LRRTM3: variants seen among roughly 807,000 people sequenced by gnomAD.
LRRTM3 encodes the protein leucine rich repeat transmembrane neuronal 3.
A neutral mutation model predicts 44.7 loss-of-function variants in LRRTM3; 24 were observed. That is an observed-to-expected ratio of 0.54 (90% CI 0.39 to 0.76). The LOEUF is 0.76. LRRTM3 is among the 30% of genes least tolerant of loss of function. LRRTM3 has a pLI of 0.00. For missense variants in LRRTM3, 587 were observed against 702.2 expected, an observed-to-expected ratio of 0.84 and a Z score of 1.85; for synonymous variants, 277 against 278.7, an observed-to-expected ratio of 0.99 and a Z score of 0.06.
At chr10:67,069,993 G>A (rs1309820569) in intron 2 of LRRTM3, among the ~76,000 whole-genome samples, 1 of 152,140 alleles carries the variant, frequency 6.6e-6, no homozygotes, top group African/African-American at 2.4e-5. Context: ...TTCCAAAGAT[G>A]TTTCCATTTA....
intron 2 of LRRTM3, among the ~76,000 whole-genome samples, chr10:66,936,642 G>C (rs908005762): frequency 1.3e-5 from 2 of 152,142 alleles, no homozygotes; most frequent in South Asian, 2.1e-4. Flanking sequence ...AGATGGACTA[G>C]ATTGAACTCT....
chr10:67,086,741 C>T (rs1219378425), intron 2 of LRRTM3, among the ~76,000 whole-genome samples: 1 of 151,920 alleles, frequency 6.6e-6, no homozygotes, highest in Non-Finnish European at 1.5e-5. Context: ...AATACCCTAT[C>T]AGTCATAGAT....
At chr10:67,073,418 G>A (rs1383765074) in intron 2 of LRRTM3, among the ~76,000 whole-genome samples, 1 of 151,726 alleles carries the variant, frequency 6.6e-6, no homozygotes, top group Non-Finnish European at 1.5e-5. Flanking sequence ...TTTTCCTTCA[G>A]TCTAAATATC....
intron 2 of LRRTM3, among the ~76,000 whole-genome samples, chr10:66,938,375 T>C (rs1459640534): frequency 6.6e-6 from 1 of 152,134 alleles, no homozygotes; most frequent in Non-Finnish European, 1.5e-5. Context: ...ACTGATAATA[T>C]AAAGAGTCAA....
intron 2 of LRRTM3, among the ~76,000 whole-genome samples, chr10:66,952,152 C>T (rs968950329): frequency 1.3e-4 from 20 of 152,198 alleles, no homozygotes; most frequent in African/African-American, 4.8e-4. Context: ...ACGTCAACCA[C>T]CACTGGAGGG....
intron 2 of LRRTM3, among the ~76,000 whole-genome samples, chr10:67,088,491 C>A (rs2394343): frequency 0.54 from 81,556 of 151,468 alleles, 22,832 homozygotes; most frequent in African/African-American, 0.7. Context: ...CAAAGATAAA[C>A]GGTGCCTGCA....
At chr10:67,043,460 GT>G (rs1243895071) in intron 2 of LRRTM3, among the ~76,000 whole-genome samples, 1 of 152,036 alleles carries the variant, frequency 6.6e-6, no homozygotes, top group African/African-American at 2.4e-5. Context: ...GAGGGAGTAG[GT>G]TTTCCTCCTA....
chr10:67,098,017 AAC>A lies in LRRTM3; in HGVS notation c.*223_*224del. Reference sequence around the variant, plus strand: ...AAGTTGTGCAGTATTTTTTGACTTAAACAGAGTATGACCCTGAAAAATAAAAG... The same window carrying A: ...AAGTTGTGCAGTATTTTTTGACTTAAAGAGTATGACCCTGAAAAATAAAAG... On this transcript the variant is annotated 3_prime_UTR_variant, in exon 3 of 3. Coordinates refer to ENST00000361320, the MANE Select transcript of LRRTM3 (RefSeq NM_178011.5). 1 of 562,060 alleles carries A rather than the reference AAC, an allele frequency of 1.8e-6. No homozygotes were observed. Among genetic ancestry groups the A allele is most frequent in the Admixed American group, 3.1e-5 (1 of 32,200 alleles). 34.8% of individuals were successfully genotyped at this position (562,060 alleles called of 1,614,324 possible). A position where few individuals can be genotyped will look rare whatever the true frequency, so the allele number is the denominator to read the frequency against.
At chr10:67,004,738 A>T (rs1435252499) in intron 2 of LRRTM3, among the ~76,000 whole-genome samples, 1 of 152,194 alleles carries the variant, frequency 6.6e-6, no homozygotes, top group African/African-American at 2.4e-5. Flanking sequence ...AACTTATATC[A>T]TGTCAATTAT....
At position 66,928,321 on chromosome 10, in the gene LRRTM3, C is replaced by A; in HGVS notation, c.1405C>A (p.Leu469Ile). ...RRHRKKKRQS[L>I]KQMTPSTQEF... ...GCACAGGAAAAAGAAAAGACAGTCCCTAAAGCAAATGACTCCCAGCACCCA... is the reference window on the plus strand; with the variant it reads ...GCACAGGAAAAAGAAAAGACAGTCCATAAAGCAAATGACTCCCAGCACCCA... Residue 469 changes from leucine (L) to isoleucine (I), a missense_variant, in exon 2 of 3, where the codon CTA (leucine) becomes ATA (isoleucine). Around this residue, in one of 3 missense-constraint regions of LRRTM3, gnomAD observed 315 missense variants for 335.6 expected, o/e 0.94. Transcript: ENST00000361320. 1 of 1,614,156 alleles carries A rather than the reference C, an allele frequency of 6.2e-7. No individual in the cohort carries two copies. The highest frequency in any genetic ancestry group is 8.5e-7 in the Non-Finnish European group (1 of 1,180,032).
At chr10:66,965,803 C>T (rs1849383617) in intron 2 of LRRTM3, among the ~76,000 whole-genome samples, 1 of 152,070 alleles carries the variant, frequency 6.6e-6, no homozygotes, top group Non-Finnish European at 1.5e-5. Flanking sequence ...TAGAACAGTA[C>T]TTTCAGCATG....
intron 2 of LRRTM3, among the ~76,000 whole-genome samples, chr10:66,957,365 A>G (rs1182819311): frequency 6.8e-6 from 1 of 146,500 alleles, no homozygotes; most frequent in Non-Finnish European, 1.5e-5. Context: ...GAAGAAATAT[A>G]TCCAGAATAT....
At chr10:67,018,606 G>C (rs904542931) in intron 2 of LRRTM3, among the ~76,000 whole-genome samples, 5 of 152,178 alleles carry the variant, frequency 3.3e-5, no homozygotes, top group African/African-American at 1.2e-4. Context: ...TTAAGTCTGT[G>C]GGCTCTGGAG....
intron 2 of LRRTM3, among the ~76,000 whole-genome samples, chr10:67,046,185 A>T (rs574662882): frequency 1.3e-5 from 2 of 152,354 alleles, no homozygotes; most frequent in East Asian, 3.9e-4. Flanking sequence ...GTAGAATTAT[A>T]ACATAGTTAA....
chr10:66,979,253 C>A (rs1850273147), intron 2 of LRRTM3, among the ~76,000 whole-genome samples: 1 of 152,108 alleles, frequency 6.6e-6, no homozygotes, highest in Non-Finnish European at 1.5e-5. Flanking sequence ...CAGGCATGAG[C>A]CACCATGCCT....
chr10:67,016,181 C>G, intron 2 of LRRTM3, among the ~76,000 whole-genome samples: 1 of 152,102 alleles, frequency 6.6e-6, no homozygotes, highest in East Asian at 1.9e-4. Flanking sequence ...TCCACTGTTC[C>G]CTTTCTGATC....
At chr10:66,973,561 A>G (rs1178689548) in intron 2 of LRRTM3, among the ~76,000 whole-genome samples, 1 of 152,200 alleles carries the variant, frequency 6.6e-6, no homozygotes. Flanking sequence ...ATAATTAGCA[A>G]TATATAATTT....
intron 2 of LRRTM3, among the ~76,000 whole-genome samples, chr10:67,056,930 C>T (rs1365165536): frequency 6.6e-6 from 1 of 152,088 alleles, no homozygotes; most frequent in Non-Finnish European, 1.5e-5. Flanking sequence ...TGCTCATGCT[C>T]CTGGGTGCAA....
chr10:67,023,454 T>C (rs2133081529), intron 2 of LRRTM3, among the ~76,000 whole-genome samples: 1 of 152,264 alleles, frequency 6.6e-6, no homozygotes, highest in African/African-American at 2.4e-5. Flanking sequence ...ATGGATCTTC[T>C]ATAGAGAACG....
Sources: gnomAD v4.1 joint callset for allele counts (sites outside exome capture counted in the v4.1 genomes callset) on GRCh38, gnomAD v4.1.1 for gene constraint, gnomAD v4.1.1 regional missense constraint, MANE v1.5 for transcripts, NCBI Gene and HGNC (gene_info 2026-07-23, HGNC 2026-07-21) for gene names.